The following SYNRG variants were observed in gnomAD, a reference collection of about 807,000 sequenced individuals.
SYNRG encodes the protein synergin gamma, also known as AP1 gamma subunit binding protein 1.
In SYNRG, 37 loss-of-function variants were observed where a neutral mutation model predicts 130.9. That is an observed-to-expected ratio of 0.28 (90% CI 0.22 to 0.37). SYNRG has a LOEUF of 0.37. SYNRG is among the 10% of genes least tolerant of loss of function. The pLI is 1.00. For missense variants in SYNRG, 1,338 were observed against 1,588.9 expected (o/e 0.84, Z 2.68); for synonymous variants, 539 against 568.1 (o/e 0.95, Z 0.73).
chr17:37,518,760 C>T lies in SYNRG; in HGVS notation c.*180G>A. 1.4e-6 allele frequency: 1 copy of T among 712,350 alleles called. No individual in the cohort carries two copies. The allele number at this position is 712,350 out of a possible 1,614,324, so 44.1% of individuals were successfully genotyped here. ...GGTGCCACGTGCAGTTTGGGTGGGA[C>T]AATTTTACCTGAAGTCCTGCAGACT... is the stretch of plus-strand genomic sequence containing the variant. On this transcript the variant is annotated 3_prime_UTR_variant, in exon 22 of 22. Transcript: ENST00000612223.
In SYNRG at chr17:37,539,618, G is replaced by A. The variant is rs9904274; in HGVS notation, c.3367-373C>T. On this transcript the variant is annotated intron_variant, in intron 16 of 21. Transcript: ENST00000612223. ...ACTCCTGAGCTCGAGTGATCTGCCC[G>A]ACTTGGCCTTCCAAAGTGCTGAGAT... 2.5e-3 allele frequency among the ~76,000 whole-genome samples: 380 copies of A among 152,288 alleles called. 2 individuals carry two copies. Among genetic ancestry groups the A allele is most frequent in the African/African-American group, 8.4e-3 (348 of 41,552 alleles).
intron 19 of SYNRG, among the ~76,000 whole-genome samples, chr17:37,521,055 C>CAA: frequency 7.0e-6 from 1 of 142,268 alleles, no homozygotes; most frequent in African/African-American, 2.6e-5. Flanking sequence ...TTTTTGGAGA[C>CAA]AGAGTCTCAC....
chr17:37,606,408 C>T (rs563698260), intron 1 of SYNRG, among the ~76,000 whole-genome samples: 1 of 152,292 alleles, frequency 6.6e-6, no homozygotes, highest in Admixed American at 6.5e-5. Context: ...CCTCTAAAAG[C>T]TTGTAAAAGA....
chr17:37,544,122 A>G (rs949908385), intron 14 of SYNRG, among the ~76,000 whole-genome samples: 3 of 152,160 alleles, frequency 2.0e-5, no homozygotes, highest in African/African-American at 7.2e-5. Flanking sequence ...TCTTTCTTTG[A>G]GCTGTTAGGA....
At chr17:37,521,609 AGGT>A (rs2055070836) in intron 19 of SYNRG, among the ~76,000 whole-genome samples, 1 of 152,186 alleles carries the variant, frequency 6.6e-6, no homozygotes, top group African/African-American at 2.4e-5. Context: ...CGACAGGCCC[AGGT>A]TCGTATTACT....
At chr17:37,532,893 T>A (rs1002623996) in intron 19 of SYNRG, among the ~76,000 whole-genome samples, 1 of 152,102 alleles carries the variant, frequency 6.6e-6, no homozygotes, top group Non-Finnish European at 1.5e-5. Context: ...CACCTCCTAG[T>A]TTACAATTTA....
At chr17:37,527,251 A>G (rs2056047566) in intron 19 of SYNRG, among the ~76,000 whole-genome samples, 2 of 152,070 alleles carry the variant, frequency 1.3e-5, no homozygotes, top group Non-Finnish European at 2.9e-5. Flanking sequence ...AAATCGATTA[A>G]TTTTCCAGGA....
chr17:37,589,488 C>T (rs1305017076), intron 3 of SYNRG, among the ~76,000 whole-genome samples: 11 of 152,128 alleles, frequency 7.2e-5, no homozygotes, highest in Admixed American at 6.5e-5. Context: ...CGGTGGCTCA[C>T]GCCTGTAATT....
intron 13 of SYNRG, among the ~76,000 whole-genome samples, chr17:37,559,313 C>G (rs2059350911): frequency 6.6e-6 from 1 of 151,928 alleles, no homozygotes; most frequent in South Asian, 2.1e-4. Flanking sequence ...TATTTTCTTT[C>G]TAGATCATGA....
chr17:37,608,817 C>CCA (rs370737244), intron 1 of SYNRG, among the ~76,000 whole-genome samples: 1 of 151,982 alleles, frequency 6.6e-6, no homozygotes, highest in Non-Finnish European at 1.5e-5. Flanking sequence ...GACAAATAGT[C>CCA]CACACACACA....
intron 11 of SYNRG, 139 bp downstream of exon 11, chr17:37,568,652 T>A: frequency 1.1e-6 from 1 of 911,652 alleles, no homozygotes; most frequent in Non-Finnish European, 1.6e-6. Flanking sequence ...GTAAAAGTAT[T>A]AATACAGAGG....
intron 13 of SYNRG, among the ~76,000 whole-genome samples, chr17:37,558,384 T>C (rs1238237969): frequency 6.6e-6 from 1 of 152,354 alleles, no homozygotes; most frequent in Non-Finnish European, 1.5e-5. Context: ...TGTGGTATTG[T>C]TCCCAGAAGG....
In SYNRG at chr17:37,553,471, A is replaced by G. The variant is rs759164577; in HGVS notation, c.2252T>C (p.Leu751Pro). ...ACCTAGTCCAGACCCTTCCAGAGAA[A>G]GTTGTCTGAAGACATCGTACTTGGT... ...ASTKYDVFRQ[L>P]SLEGSGLGVE... Residue 751 changes from leucine (L) to proline (P), a missense_variant, in exon 14 of 22, where the codon CTT becomes CCT. Around this residue, in one of 3 missense-constraint regions of SYNRG, gnomAD observed 1,146 missense variants for 1,342.3 expected, o/e 0.85. Transcript: ENST00000612223. The G allele has an allele frequency of 6.2e-7, 1 of 1,614,168 alleles. No individual in the cohort carries two copies.
At chr17:37,549,341 C>T (rs1203723103) in intron 14 of SYNRG, among the ~76,000 whole-genome samples, 1 of 152,062 alleles carries the variant, frequency 6.6e-6, no homozygotes, top group Non-Finnish European at 1.5e-5. Context: ...TGTTACCATA[C>T]TCTAAAATGG....
intron 2 of SYNRG, 124 bp downstream of exon 2, chr17:37,600,239 A>C: frequency 2.6e-6 from 2 of 783,120 alleles, no homozygotes; most frequent in East Asian, 2.7e-5. Context: ...TACAGGTTTA[A>C]GAGTGCAGAA....
chr17:37,598,297 C>G (rs1164442003), intron 2 of SYNRG, among the ~76,000 whole-genome samples: 1 of 152,132 alleles, frequency 6.6e-6, no homozygotes, highest in Non-Finnish European at 1.5e-5. Context: ...AGTATTTCAA[C>G]AAGAACCTCA....
At chr17:37,560,338 A>T (rs1345688385) in intron 13 of SYNRG, among the ~76,000 whole-genome samples, 4 of 136,746 alleles carry the variant, frequency 2.9e-5, no homozygotes, top group East Asian at 4.2e-4. Context: ...AGCACCTATC[A>T]TTTTTTTTTT....
rs9709294 is a variant in SYNRG at position 37,525,837 on chromosome 17, T to G, written c.3667-5189A>C. 8.9e-4 allele frequency among the ~76,000 whole-genome samples: 136 copies of G among 152,206 alleles called. 2 individuals are homozygous for G. The South Asian group carries it at 0.027, about 31-fold the overall frequency. ...AAAAATTAGCCAGGTGTGGTGGCGC[T>G]TGCCTGTAATCCCAGCTATTCAGGA... On this transcript the variant is annotated intron_variant, in intron 19 of 21. Coordinates refer to ENST00000612223, the MANE Select transcript of SYNRG (RefSeq NM_007247.6).
chr17:37,582,166 C>CT (rs987727212), intron 6 of SYNRG, among the ~76,000 whole-genome samples: 5 of 151,790 alleles, frequency 3.3e-5, no homozygotes, highest in African/African-American at 9.7e-5. Context: ...CAGGAGTAGT[C>CT]TTTTTTTTAA....
Sources: gnomAD v4.1 joint callset for allele counts (sites outside exome capture counted in the v4.1 genomes callset) on GRCh38, gnomAD v4.1.1 for gene constraint, gnomAD v4.1.1 regional missense constraint, MANE v1.5 for transcripts, NCBI Gene and HGNC (gene_info 2026-07-23, HGNC 2026-07-21) for gene names.